CNTNAP5: variants seen among roughly 807,000 people sequenced by gnomAD.
The protein encoded by CNTNAP5 is contactin associated protein family member 5, also known as contactin-associated protein-like 5.
CNTNAP5 carries 72 observed loss-of-function variants against 150.2 expected under a neutral mutation model. The ratio of observed to expected loss-of-function variants is 0.48; its 90% CI spans 0.40 to 0.58. The LOEUF (loss-of-function observed/expected upper bound fraction) is 0.58, where lower values mean the gene tolerates loss of function less well. CNTNAP5 is among the 20% of genes least tolerant of loss of function. The probability of loss-of-function intolerance (pLI) is 0.00; values close to 1 mark genes in which losing one functional copy is unlikely to be tolerated. For missense variants in CNTNAP5, 1,636 were observed against 1,626.2 expected, an observed-to-expected ratio of 1.01 and a Z score of -0.10; for synonymous variants, 672 against 619.8, an observed-to-expected ratio of 1.08 and a Z score of -1.25.
At chr2:124,115,599 C>T (rs1683408146) in intron 1 of CNTNAP5, among the ~76,000 whole-genome samples, 1 of 150,168 alleles carries the variant, frequency 6.7e-6, no homozygotes, top group African/African-American at 2.5e-5. Context: ...TAGGATTTCT[C>T]TTCTGTAAAA....
At chr2:124,715,373 G>A (rs1679923848) in intron 13 of CNTNAP5, among the ~76,000 whole-genome samples, 1 of 152,092 alleles carries the variant, frequency 6.6e-6, no homozygotes, top group Admixed American at 6.6e-5. Flanking sequence ...CTCACATGAT[G>A]TTTTTGGGTT....
chr2:124,087,935 G>C (rs112307902), intron 1 of CNTNAP5, among the ~76,000 whole-genome samples: 2,046 of 152,078 alleles, frequency 0.013, 36 homozygotes, highest in African/African-American at 0.046. Flanking sequence ...TGGATTCATT[G>C]GGGTCGATCC....
At chr2:124,273,804 G>A (rs944654828) in intron 3 of CNTNAP5, among the ~76,000 whole-genome samples, 1 of 152,178 alleles carries the variant, frequency 6.6e-6, no homozygotes, top group African/African-American at 2.4e-5. Context: ...TCTCTTTGCA[G>A]TAATTCTCTT....
intron 1 of CNTNAP5, among the ~76,000 whole-genome samples, chr2:124,109,585 T>C (rs11678185): frequency 0.094 from 14,266 of 152,198 alleles, 787 homozygotes; most frequent in Non-Finnish European, 0.13. Context: ...GGGAAGCTGG[T>C]ACCTGGAAAC....
intron 1 of CNTNAP5, among the ~76,000 whole-genome samples, chr2:124,138,801 TTCCAGCTGA>T (rs1684037400): frequency 2.6e-5 from 4 of 151,946 alleles, no homozygotes; most frequent in African/African-American, 9.7e-5. Context: ...ATTCCAGGAG[TTCCAGCTGA>T]TCCTTCCCCT....
intron 11 of CNTNAP5, among the ~76,000 whole-genome samples, chr2:124,588,217 TTTC>T (rs1262936159): frequency 6.8e-6 from 1 of 147,434 alleles, no homozygotes; most frequent in South Asian, 2.2e-4. Flanking sequence ...TCTTTCTTTC[TTTC>T]TTTCTTTCTT....
intron 13 of CNTNAP5, among the ~76,000 whole-genome samples, chr2:124,719,798 G>A (rs546547167): frequency 6.6e-6 from 1 of 152,238 alleles, no homozygotes; most frequent in African/African-American, 2.4e-5. Flanking sequence ...AAGGCCAAAT[G>A]CCTCTCGAGA....
At chr2:124,533,072 T>C (rs572711181) in intron 10 of CNTNAP5, among the ~76,000 whole-genome samples, 22 of 151,490 alleles carry the variant, frequency 1.5e-4, no homozygotes, top group African/African-American at 5.1e-4. Flanking sequence ...GTGACCCCCC[T>C]TGGACTTTGG....
chr2:124,331,432 T>C (rs1689346945), intron 3 of CNTNAP5, among the ~76,000 whole-genome samples: 1 of 152,104 alleles, frequency 6.6e-6, no homozygotes, highest in South Asian at 2.1e-4. Context: ...AGGTCAAACC[T>C]AATTTTTTAT....
At chr2:124,585,053 G>A (rs1316831526) in intron 11 of CNTNAP5, among the ~76,000 whole-genome samples, 1 of 152,170 alleles carries the variant, frequency 6.6e-6, no homozygotes, top group African/African-American at 2.4e-5. Flanking sequence ...CCGTGCTTAA[G>A]TTTAGGGAGC....
intron 21 of CNTNAP5, among the ~76,000 whole-genome samples, chr2:124,876,958 A>T (rs1677872797): frequency 6.6e-6 from 1 of 152,064 alleles, no homozygotes; most frequent in Admixed American, 6.6e-5. Flanking sequence ...AACTTCCCAA[A>T]CACGCATGTC....
chr2:124,880,321 T>C (rs1430709818), intron 21 of CNTNAP5, among the ~76,000 whole-genome samples: 1 of 152,120 alleles, frequency 6.6e-6, no homozygotes, highest in Non-Finnish European at 1.5e-5. Context: ...TCTCTGCCTT[T>C]TTCTTGATAA....
At chr2:124,609,216 G>T (rs1677318138) in intron 11 of CNTNAP5, among the ~76,000 whole-genome samples, 1 of 152,112 alleles carries the variant, frequency 6.6e-6, no homozygotes, top group Non-Finnish European at 1.5e-5. Context: ...AAAGAGGAGG[G>T]CCATGTAAGA....
intron 17 of CNTNAP5, among the ~76,000 whole-genome samples, chr2:124,788,218 C>A (rs904366892): frequency 6.6e-6 from 1 of 152,194 alleles, no homozygotes; most frequent in African/African-American, 2.4e-5. Context: ...TCTTTCAACA[C>A]ACGTTTTTCT....
At chr2:124,390,557 G>A (rs887315018) in intron 3 of CNTNAP5, among the ~76,000 whole-genome samples, 13 of 152,196 alleles carry the variant, frequency 8.5e-5, no homozygotes, top group African/African-American at 2.9e-4. Flanking sequence ...AAAGCAGAGT[G>A]TAGTAGGGTG....
chr2:124,818,201 T>C (rs557614939), intron 19 of CNTNAP5, among the ~76,000 whole-genome samples: 5 of 152,204 alleles, frequency 3.3e-5, no homozygotes, highest in Middle Eastern at 6.8e-3. Context: ...AGAAACATAC[T>C]ATATTTTAGC....
intron 17 of CNTNAP5, among the ~76,000 whole-genome samples, chr2:124,779,669 T>C (rs914377475): frequency 6.6e-6 from 1 of 152,358 alleles, no homozygotes; most frequent in South Asian, 2.1e-4. Context: ...TTCATGCTAA[T>C]AGGTTATTAA....
intron 3 of CNTNAP5, among the ~76,000 whole-genome samples, chr2:124,286,223 C>G (rs888311021): frequency 6.6e-6 from 1 of 152,186 alleles, no homozygotes; most frequent in African/African-American, 2.4e-5. Flanking sequence ...CTGCCTGGCT[C>G]TGGCTCACAA....
intron 19 of CNTNAP5, among the ~76,000 whole-genome samples, chr2:124,824,625 T>C (rs1286101746): frequency 6.6e-6 from 1 of 152,174 alleles, no homozygotes; most frequent in African/African-American, 2.4e-5. Flanking sequence ...TGTCCCAGCA[T>C]GGTGATGCTC....
Sources: gnomAD v4.1 joint callset for allele counts (sites outside exome capture counted in the v4.1 genomes callset) on GRCh38, gnomAD v4.1.1 for gene constraint, MANE v1.5 for transcripts, NCBI Gene and HGNC (gene_info 2026-07-23, HGNC 2026-07-21) for gene names.